The following GPN1 variants were observed in gnomAD, a reference collection of about 807,000 sequenced individuals.
GPN1 encodes the protein GPN-loop GTPase 1, also known as ATP(GTP)-binding protein.
Under a neutral mutation model 55.9 loss-of-function variants are expected in GPN1, and 44 were observed. The ratio of observed to expected loss-of-function variants is 0.79; its 90% CI spans 0.62 to 1.01. The LOEUF (loss-of-function observed/expected upper bound fraction) is 1.01, where lower values mean the gene tolerates loss of function less well. Ranked by LOEUF, GPN1 falls within the 50% of genes least tolerant of loss-of-function variation. The probability of loss-of-function intolerance (pLI) is 0.00; values close to 1 mark genes in which losing one functional copy is unlikely to be tolerated. For missense variants in GPN1, 466 were observed against 462.8 expected (o/e 1.01, Z -0.06); for synonymous variants, 179 against 162.5 (o/e 1.10, Z -0.77).
At position 27,650,077 on chromosome 2, in the gene GPN1, G is replaced by C. The variant is rs778700681; in HGVS notation, c.1040-38G>C. 6 of 1,113,036 alleles carry C rather than the reference G, an allele frequency of 5.4e-6. No individual in the cohort carries two copies. In the South Asian group the frequency reaches 7.4e-5, roughly 14 times the overall value. The allele number at this position is 1,113,036 out of a possible 1,614,324, so 68.9% of individuals were successfully genotyped here. ...ACGGGCTCTAATCAGTTTGTCTAAT[G>C]AAAGAGTTGAAAAAGAATTGCCCTT... is the stretch of plus-strand genomic sequence containing the variant. On this transcript the variant is annotated intron_variant, in intron 13 of 13. Coordinates refer to ENST00000610189, the MANE Select transcript of GPN1 (RefSeq NM_007266.4).
Position 27,647,886 on chromosome 2 carries a change from A to G in GPN1, c.982A>G (p.Thr328Ala). The change falls in exon 13 of 14, where the codon ACC becomes GCC. Residue 328 changes from threonine to alanine, a missense_variant. Coordinates refer to ENST00000610189, the MANE Select transcript of GPN1 (RefSeq NM_007266.4). The stretch of plus-strand genomic sequence containing the variant: ...TTCTGATTTGATCCTGACTCGAGGA[A>G]CCTTGGATGAAGAGGATGAGGAAGC... ...HPSDLILTRG[T>A]LDEEDEEADS... 2 of 1,613,880 alleles carry G rather than the reference A, an allele frequency of 1.2e-6. No homozygotes were observed. The highest frequency in any genetic ancestry group is 1.7e-6 in the Non-Finnish European group (2 of 1,179,794).
At chr2:27,628,766 C>G (rs1018795454), upstream of GPN1, 1 of 1,535,280 alleles carries the variant, frequency 6.5e-7, no homozygotes, top group Non-Finnish European at 8.8e-7. Flanking sequence ...GACCCCATCT[C>G]TTCTGGCCTT....
chr2:27,638,653 G>A (rs755233049), intron 8 of GPN1, among the ~76,000 whole-genome samples: 5 of 150,342 alleles, frequency 3.3e-5, no homozygotes, highest in Non-Finnish European at 7.3e-5. Flanking sequence ...TTCTGGTCCT[G>A]GTACTTGGCA....
upstream of GPN1, chr2:27,628,262 A>G (rs1673365504): frequency 6.7e-6 from 6 of 889,568 alleles, no homozygotes; most frequent in Non-Finnish European, 8.3e-6. Context: ...TTGCAGCTAC[A>G]AAGGGTCACA....
chr2:27,631,078 C>T lies in GPN1; in HGVS notation c.245+12C>T. On this transcript the variant is annotated intron_variant, in intron 3 of 13. Coordinates refer to ENST00000610189, the MANE Select transcript of GPN1 (RefSeq NM_007266.4). ...GAAGTAATGAAACAGTATCCTTTTC[C>T]ATCTACTTTGGTCTTGACTCATTCC... 1.5e-6 allele frequency: 2 copies of T among 1,343,684 alleles called. No homozygotes were observed. Among genetic ancestry groups the T allele is most frequent in the Non-Finnish European group, 2.1e-6 (2 of 935,484 alleles). 83.2% of individuals were successfully genotyped at this position (1,343,684 alleles called of 1,614,324 possible).
intron 2 of GPN1, 99 bp downstream of exon 2, chr2:27,630,051 G>A (rs1011708987): frequency 2.0e-5 from 15 of 734,874 alleles, no homozygotes; most frequent in Middle Eastern, 2.4e-4. Context: ...ACTTTGGGAG[G>A]CCGAGGCAGG....
At chr2:27,628,456 G>A, upstream of GPN1, 9 of 1,551,538 alleles carry the variant, frequency 5.8e-6, no homozygotes, top group South Asian at 1.2e-5. Context: ...GAGGGTGACT[G>A]CCAAGGAATG....
At chr2:27,648,888 C>T (rs922535407) in intron 13 of GPN1, among the ~76,000 whole-genome samples, 1 of 151,730 alleles carries the variant, frequency 6.6e-6, no homozygotes, top group Non-Finnish European at 1.5e-5. Context: ...CCGCCCATCT[C>T]GGCCTCCCAA....
intron 13 of GPN1, among the ~76,000 whole-genome samples, chr2:27,648,889 G>A (rs1674371841): frequency 6.6e-6 from 1 of 151,514 alleles, no homozygotes; most frequent in African/African-American, 2.4e-5. Context: ...CGCCCATCTC[G>A]GCCTCCCAAA....
chr2:27,633,088 C>T (rs1673609793), intron 5 of GPN1, among the ~76,000 whole-genome samples: 1 of 152,084 alleles, frequency 6.6e-6, no homozygotes, highest in Non-Finnish European at 1.5e-5. Flanking sequence ...ATGGCCATTA[C>T]CCAGTTAGCT....
Position 27,640,032 on chromosome 2 carries a change from CT to C in GPN1, c.718-6del. The C allele has an allele frequency of 6.3e-7, 1 of 1,580,060 alleles. No homozygotes were observed. The highest frequency in any genetic ancestry group is 8.7e-7 in the Non-Finnish European group (1 of 1,149,778). On this transcript the variant is annotated splice_polypyrimidine_tract_variant and intron_variant, in intron 9 of 13. Coordinates refer to ENST00000610189, the MANE Select transcript of GPN1 (RefSeq NM_007266.4). ...GGTTTCTTTAGTGGCATTTATGATG[CT>C]TTTTGGCAGGTGGTGGGTGTCTCTG...
intron 7 of GPN1, 58 bp from the exon 8 acceptor site, chr2:27,638,152 C>T (rs768202357): frequency 3.4e-6 from 3 of 895,316 alleles, no homozygotes; most frequent in Non-Finnish European, 5.7e-6. Flanking sequence ...CATGCTGACA[C>T]TGGATGAGCA....
chr2:27,629,171 T>G lies in GPN1; in HGVS notation c.111+2T>G, dbSNP rs1572948470. ...TCCGGGAAAACCACTTTTGTACAGG[T>G]GACGTACACAGCATGGGTGTAGTAG... On this transcript the variant is annotated splice_donor_variant, in intron 1 of 13. Coordinates refer to ENST00000610189, the MANE Select transcript of GPN1 (RefSeq NM_007266.4). LOFTEE classifies it high-confidence loss of function. 6.2e-7 allele frequency: 1 copy of G among 1,613,932 alleles called. No homozygotes were observed. Among genetic ancestry groups the G allele is most frequent in the African/African-American group, 1.3e-5 (1 of 75,032 alleles).
intron 8 of GPN1, 127 bp from the exon 9 acceptor site, chr2:27,638,758 A>G (rs1572957078): frequency 5.6e-6 from 4 of 709,762 alleles, no homozygotes; most frequent in East Asian, 2.7e-5. Flanking sequence ...GTTGCAATGG[A>G]GGGGAAATAG....
chr2:27,628,648 G>C (rs1209019233), upstream of GPN1: 2 of 1,551,514 alleles, frequency 1.3e-6, no homozygotes, highest in Non-Finnish European at 1.7e-6. Context: ...CTCGGCTACC[G>C]AATAAGCCCG....
In GPN1 at chr2:27,641,314, G is replaced by A. The variant is rs199503580; in HGVS notation, c.840+35G>A. On this transcript the variant is annotated intron_variant, in intron 11 of 13. Transcript: ENST00000610189. ...GAGGCTGTTTGTATATTTTAAAAGGGCCATTAAAAAAACCCAGCTCAATCT... is the reference window on the plus strand; with the variant it reads ...GAGGCTGTTTGTATATTTTAAAAGGACCATTAAAAAAACCCAGCTCAATCT... 100 of 1,503,328 alleles carry A rather than the reference G, an allele frequency of 6.7e-5. No individual in the cohort carries two copies. The African/African-American group carries it at 1.3e-3, about 19-fold the overall frequency. 93.1% of individuals were successfully genotyped at this position (1,503,328 alleles called of 1,614,324 possible).
rs116747362 is a variant in GPN1, at chr2:27,629,604, G to A, written c.112-255G>A. Among the ~76,000 whole-genome samples the A allele has an allele frequency of 8.8e-3, 1,334 of 152,302 alleles. 18 individuals are homozygous for A. The highest frequency in any genetic ancestry group is 0.03 in the African/African-American group (1,228 of 41,562). On this transcript the variant is annotated intron_variant, in intron 1 of 13. Transcript: ENST00000610189. ...TCGTGGGGCCAAATATTTAATGGAG[G>A]AGATAGAGAAAACCCACATACGAAG...
rs753833364 is a variant in GPN1, at chr2:27,643,627, C to T, written c.931+1108C>T. On this transcript the variant is annotated intron_variant, in intron 12 of 13. Coordinates refer to ENST00000610189, the MANE Select transcript of GPN1 (RefSeq NM_007266.4). This position sits in a 1 kb window ranked among gnomAD's most constrained non-coding sequence, Gnocchi z 4.0. ...CACATGCCTTATACTCCTTTAGAAT[C>T]TGGAACAGTGCCTTAGTCTGACTTT... 2.6e-5 allele frequency among the ~76,000 whole-genome samples: 4 copies of T among 152,164 alleles called. No individual in the cohort carries two copies. The highest frequency in any genetic ancestry group is 5.9e-5 in the Non-Finnish European group (4 of 68,038).
In GPN1 at chr2:27,643,945, G is replaced by A. The variant is rs963257944; in HGVS notation, c.931+1426G>A. Among the ~76,000 whole-genome samples, 15 of 152,180 alleles carry A rather than the reference G, an allele frequency of 9.9e-5. No individual in the cohort carries two copies. Among genetic ancestry groups the A allele is most frequent in the Non-Finnish European group, 1.5e-4 (10 of 68,022 alleles). On this transcript the variant is annotated intron_variant, in intron 12 of 13. Coordinates refer to ENST00000610189, the MANE Select transcript of GPN1 (RefSeq NM_007266.4). This position sits in a 1 kb window ranked among gnomAD's most constrained non-coding sequence, Gnocchi z 4.0. ...TGTAATCCCAGCATTTTGGGAGGCC[G>A]AGGCGGGTGGATCACTTGAGGTCAG...
Sources: allele counts gnomAD v4.1 joint callset (sites outside exome capture counted in the v4.1 genomes callset), GRCh38; gene constraint gnomAD v4.1.1; non-coding constraint Gnocchi (gnomAD v3.1); transcripts MANE v1.5; gene names NCBI Gene and HGNC (gene_info 2026-07-23, HGNC 2026-07-21).